Variants in SAP130 observed in about 807,000 individuals in gnomAD.
SAP130 encodes the protein histone deacetylase complex subunit SAP130.
A neutral mutation model predicts 103.2 loss-of-function variants in SAP130; 16 were observed. The observed-to-expected ratio is 0.16, with a 90% CI of 0.10 to 0.24. SAP130 has a LOEUF of 0.24. Among genes scored for constraint, SAP130 ranks in the 10% least tolerant of loss-of-function variants. SAP130 has a pLI of 1.00. For missense variants in SAP130, 990 were observed against 1,359.7 expected (o/e 0.73, Z 4.28); for synonymous variants, 477 against 497.0 (o/e 0.96, Z 0.53).
At chr2:127,960,981 CTTTCT>C (rs1395819348) in intron 15 of SAP130, among the ~76,000 whole-genome samples, 1 of 148,588 alleles carries the variant, frequency 6.7e-6, no homozygotes, top group African/African-American at 2.5e-5. Flanking sequence ...AATGTTTTTT[CTTTCT>C]TTCTTTCTTT....
intron 19 of SAP130, 116 bp downstream of exon 19, chr2:127,945,340 A>C (rs1445668436): frequency 1.5e-6 from 1 of 650,754 alleles, no homozygotes; most frequent in Non-Finnish European, 2.8e-6. Context: ...TTCTATCATA[A>C]CCCATGTTAG....
Position 128,027,884 on chromosome 2 carries a change from C to A in SAP130, c.-7+56G>T, listed in dbSNP as rs890486945. The stretch of plus-strand genomic sequence containing the variant: ...GGACGGACGCTGCAGCCCGGCTCAG[C>A]CGCCCCGCCCCCTCGTCTCCTCCCC... On this transcript the variant is annotated intron_variant, in intron 1 of 20. Coordinates refer to ENST00000643581, the MANE Select transcript of SAP130 (RefSeq NM_001330301.2). The A allele has an allele frequency of 3.1e-6, 3 of 968,240 alleles. No individual in the cohort carries two copies. In the African/African-American group the frequency reaches 5.3e-5, roughly 17 times the overall value. 60.0% of individuals were successfully genotyped at this position (968,240 alleles called of 1,614,324 possible). A position where few individuals can be genotyped will look rare whatever the true frequency, so the allele number is the denominator to read the frequency against.
chr2:128,011,115 G>A lies in SAP130; in HGVS notation c.745-722C>T, dbSNP rs376198997. 3.1e-4 allele frequency among the ~76,000 whole-genome samples: 47 copies of A among 152,148 alleles called. 1 individual carries two copies. In the South Asian group the frequency reaches 6.4e-3, roughly 21 times the overall value. On this transcript the variant is annotated intron_variant, in intron 6 of 20. Transcript: ENST00000643581. ...GTTGGTCCTGGTGTAGACATTTTAC[G>A]CTGCCATCCAACCCAGCACCTCCAC...
At chr2:128,005,415 G>A (rs1041403310) in intron 7 of SAP130, among the ~76,000 whole-genome samples, 4 of 151,956 alleles carry the variant, frequency 2.6e-5, no homozygotes, top group Non-Finnish European at 4.4e-5. Context: ...TCAGGAGTTC[G>A]AGACCAGCCT....
rs754838437 is a variant in SAP130 at position 128,014,817 on chromosome 2, G to C, written c.605C>G (p.Ser202Cys). Reference sequence around the variant, plus strand: ...CAAGTCGTTACCTCGAGGTAAATGAGAAGCTCCAATGTGAAGAGGGGGCCC... The same window carrying C: ...CAAGTCGTTACCTCGAGGTAAATGACAAGCTCCAATGTGAAGAGGGGGCCC... The part of the protein sequence containing the change: ...APGPPLHIGA[S>C]HLPRGAAAAA... The change falls in exon 5 of 21, where the codon TCT becomes TGT. Residue 202 changes from serine to cysteine, a missense_variant. Ser to Cys is a moderately radical substitution (Grantham distance 112). Around this residue, in one of 6 missense-constraint regions of SAP130, gnomAD observed 336 missense variants for 520.1 expected, o/e 0.65. Coordinates refer to ENST00000643581, the MANE Select transcript of SAP130 (RefSeq NM_001330301.2). 2 of 1,613,372 alleles carry C rather than the reference G, an allele frequency of 1.2e-6. No homozygotes were observed. Among genetic ancestry groups the C allele is most frequent in the Non-Finnish European group, 1.7e-6 (2 of 1,179,292 alleles).
intron 1 of SAP130, chr2:128,027,290 C>T (rs1202925354): frequency 8.6e-7 from 1 of 1,161,994 alleles, no homozygotes; most frequent in Admixed American, 4.7e-5. Flanking sequence ...TGCTCGCAGT[C>T]CTCTTCCCCC....
chr2:127,950,240 C>T lies in SAP130; in HGVS notation c.2591G>A (p.Ser864Asn). The T allele has an allele frequency of 6.2e-7, 1 of 1,614,182 alleles. No individual in the cohort carries two copies. Among genetic ancestry groups the T allele is most frequent in the East Asian group, 2.2e-5 (1 of 44,880 alleles). ...GGCAGTGGACTTCTCATCATCAGTGCTGTTTGTCTCCATCATGTCACCTTC... is the reference window on the plus strand; with the variant it reads ...GGCAGTGGACTTCTCATCATCAGTGTTGTTTGTCTCCATCATGTCACCTTC... ...TEEGDMMETN[S>N]TDDEKSTAKS... Residue 864 changes from serine (S) to asparagine (N), a missense_variant, in exon 17 of 21, where the codon AGC becomes AAC. Transcript: ENST00000643581.
chr2:127,966,212 G>T (rs558652972), intron 15 of SAP130, among the ~76,000 whole-genome samples: 1 of 151,812 alleles, frequency 6.6e-6, no homozygotes, highest in African/African-American at 2.4e-5. Context: ...GCATGGTGGC[G>T]TGCGCCTGTA....
intron 15 of SAP130, among the ~76,000 whole-genome samples, chr2:127,966,262 T>C (rs1680649357): frequency 6.6e-6 from 1 of 151,290 alleles, no homozygotes; most frequent in Non-Finnish European, 1.5e-5. Context: ...AGATTCTCAC[T>C]TGAACCTGCG....
chr2:128,024,598 T>G (rs1183641198), intron 2 of SAP130, among the ~76,000 whole-genome samples: 1 of 151,646 alleles, frequency 6.6e-6, no homozygotes, highest in African/African-American at 2.4e-5. Context: ...TGGTGGCTCA[T>G]GCCTGTAATC....
At chr2:127,973,503 G>A (rs1440736606) in intron 15 of SAP130, among the ~76,000 whole-genome samples, 2 of 152,240 alleles carry the variant, frequency 1.3e-5, no homozygotes, top group African/African-American at 2.4e-5. Context: ...GTCCGAGGGA[G>A]TGCTGGGATT....
intron 10 of SAP130, among the ~76,000 whole-genome samples, chr2:127,997,150 A>G (rs528121919): frequency 1.8e-4 from 28 of 152,316 alleles, no homozygotes; most frequent in African/African-American, 6.3e-4. Flanking sequence ...CTTTAGAGCA[A>G]AATTAAAATC....
rs777964829 is a variant in SAP130, at chr2:127,993,293, A to T, written c.1371T>A (p.Val457=). 6.2e-7 allele frequency: 1 copy of T among 1,613,474 alleles called. No individual in the cohort carries two copies. The highest frequency in any genetic ancestry group is 1.7e-5 in the Admixed American group (1 of 59,832). ...TRSDNRPSVP[V]QFQYFLPTYP... Reference sequence around the variant, plus strand: ...AAGTTGGCAAAAAATATTGGAACTGAACGGGAACAGACGGTCTAGAGACAG... The same window carrying T: ...AAGTTGGCAAAAAATATTGGAACTGTACGGGAACAGACGGTCTAGAGACAG... Residue 457 remains valine (V), a synonymous_variant, in exon 12 of 21, where the codon GTT becomes GTA. Transcript: ENST00000643581.
chr2:127,978,071 G>T lies in SAP130; in HGVS notation c.1977C>A (p.Thr659=), dbSNP rs767942128. 2 of 1,551,494 alleles carry T rather than the reference G, an allele frequency of 1.3e-6. No individual in the cohort carries two copies. Among genetic ancestry groups the T allele is most frequent in the Non-Finnish European group, 1.7e-6 (2 of 1,146,948 alleles). ...PATDGMAVRK[T]LIPPQPPDVA... is the part of the protein sequence containing the mutation. ...CATCAGGAGGCTGAGGAGGAATGAGGGTTTTCCGAACTGCCATTCTGAAAG... is the reference window on the plus strand; with the variant it reads ...CATCAGGAGGCTGAGGAGGAATGAGTGTTTTCCGAACTGCCATTCTGAAAG... Residue 659 remains threonine, a synonymous_variant, in exon 15 of 21, where the codon ACC becomes ACA. Coordinates refer to ENST00000643581, the MANE Select transcript of SAP130 (RefSeq NM_001330301.2).
intron 16 of SAP130, 64 bp from the exon 17 acceptor site, chr2:127,950,472 C>T: frequency 1.3e-6 from 2 of 1,576,562 alleles, no homozygotes; most frequent in Non-Finnish European, 1.7e-6. Context: ...GTTTCACTTC[C>T]TTCCTTCCAA....
chr2:127,999,854 G>T lies in SAP130; in HGVS notation c.1109-9C>A. ...CGTGTGTGACACAGATCCTGAAATA[G>T]GGGAAAAAAGGAAATTCTTTAACAA... On this transcript the variant is annotated splice_polypyrimidine_tract_variant and intron_variant, in intron 9 of 20. Coordinates refer to ENST00000643581, the MANE Select transcript of SAP130 (RefSeq NM_001330301.2). 1 of 1,518,130 alleles carries T rather than the reference G, an allele frequency of 6.6e-7. No individual in the cohort carries two copies. The highest frequency in any genetic ancestry group is 8.8e-7 in the Non-Finnish European group (1 of 1,131,696). 94.0% of individuals were successfully genotyped at this position (1,518,130 alleles called of 1,614,324 possible).
intron 13 of SAP130, 100 bp from the exon 14 acceptor site, chr2:127,987,062 C>T: frequency 2.9e-6 from 3 of 1,029,392 alleles, no homozygotes; most frequent in Non-Finnish European, 4.3e-6. Context: ...ATTAGGTATC[C>T]ATGTTCTAAC....
intron 18 of SAP130, among the ~76,000 whole-genome samples, chr2:127,946,067 G>A (rs1679056162): frequency 6.6e-6 from 1 of 152,166 alleles, no homozygotes; most frequent in Admixed American, 6.5e-5. Context: ...CTAAAGCAGG[G>A]CTGTCACTCA....
At chr2:127,945,417 C>T (rs762689892) in intron 19 of SAP130, 39 bp downstream of exon 19, 2 of 1,244,122 alleles carry the variant, frequency 1.6e-6, no homozygotes, top group Non-Finnish European at 2.4e-6. Context: ...GTCTTCTCCT[C>T]TCTTCAGCAT....
Sources: gnomAD v4.1 joint callset for allele counts (sites outside exome capture counted in the v4.1 genomes callset) on GRCh38, gnomAD v4.1.1 for gene constraint, gnomAD v4.1.1 regional missense constraint, MANE v1.5 for transcripts, NCBI Gene and HGNC (gene_info 2026-07-23, HGNC 2026-07-21) for gene names.